Variants in KCNH5 observed in about 807,000 individuals in gnomAD.
KCNH5 encodes voltage-gated delayed rectifier potassium channel KCNH5.
A neutral mutation model predicts 96.1 loss-of-function variants in KCNH5; 46 were observed. The ratio of observed to expected loss-of-function variants is 0.48; its 90% CI spans 0.38 to 0.61. The LOEUF is 0.61. Ranked by LOEUF, KCNH5 falls within the 20% of genes least tolerant of loss-of-function variation. The pLI, the probability that KCNH5 is intolerant of heterozygous loss-of-function variation, is 0.00. For synonymous variants in KCNH5, 439 were observed against 449.8 expected, an observed-to-expected ratio of 0.98 and a Z score of 0.30; for missense variants, 907 against 1,225.8, an observed-to-expected ratio of 0.74 and a Z score of 3.88.
At chr14:62,977,608 C>T (rs1292331889) in intron 6 of KCNH5, among the ~76,000 whole-genome samples, 2 of 152,096 alleles carry the variant, frequency 1.3e-5, no homozygotes, top group Non-Finnish European at 2.9e-5. Context: ...AAAGAATCCC[C>T]TGAAAAAATT....
intron 7 of KCNH5, among the ~76,000 whole-genome samples, chr14:62,940,436 C>T (rs1024500558): frequency 6.6e-6 from 1 of 152,162 alleles, no homozygotes; most frequent in African/African-American, 2.4e-5. Flanking sequence ...GGTTTCTCTG[C>T]CAGTAGCCTT....
chr14:62,840,025 T>C (rs1175460245), intron 8 of KCNH5, among the ~76,000 whole-genome samples: 1 of 152,122 alleles, frequency 6.6e-6, no homozygotes, highest in African/African-American at 2.4e-5. Flanking sequence ...GGGTAACTAT[T>C]GAAGATTTTT....
chr14:62,868,697 C>A (rs943644448), intron 7 of KCNH5, among the ~76,000 whole-genome samples: 3 of 152,130 alleles, frequency 2.0e-5, no homozygotes, highest in African/African-American at 7.2e-5. Flanking sequence ...TCCCCCTACC[C>A]GCTGACAGGC....
intron 8 of KCNH5, among the ~76,000 whole-genome samples, chr14:62,807,075 G>C (rs1336732227): frequency 6.6e-6 from 1 of 152,098 alleles, no homozygotes; most frequent in Non-Finnish European, 1.5e-5. Context: ...TGATCATTTT[G>C]CCTTCCCCAC....
intron 9 of KCNH5, among the ~76,000 whole-genome samples, chr14:62,801,499 A>ATTTTTT (rs35409070): frequency 5.5e-5 from 6 of 108,850 alleles, no homozygotes; most frequent in Admixed American, 1.1e-4. Flanking sequence ...TCATTTGGCA[A>ATTTTTT]TTTTTTTTTT....
chr14:63,045,336 G>C lies in KCNH5; in HGVS notation c.-150C>G. On this transcript the variant is annotated 5_prime_UTR_variant, in exon 1 of 11. Transcript: ENST00000322893. Reference sequence around the variant, plus strand: ...GGCGGCGACGGGGTCCCCTGACTGTGTCTCCAGCCCGACCCGGATGAGCAG... The same window carrying C: ...GGCGGCGACGGGGTCCCCTGACTGTCTCTCCAGCCCGACCCGGATGAGCAG... 3.0e-6 allele frequency: 2 copies of C among 662,154 alleles called. No individual in the cohort carries two copies. The highest frequency in any genetic ancestry group is 2.1e-5 in the Admixed American group (1 of 46,608). 41.0% of individuals were successfully genotyped at this position (662,154 alleles called of 1,614,324 possible). A position where few individuals can be genotyped will look rare whatever the true frequency, so the allele number is the denominator to read the frequency against.
intron 10 of KCNH5, among the ~76,000 whole-genome samples, chr14:62,739,712 C>T (rs904678561): frequency 3.9e-5 from 6 of 152,206 alleles, no homozygotes; most frequent in East Asian, 1.9e-4. Context: ...GAAAGCCCTA[C>T]ACAAACATTA....
intron 8 of KCNH5, among the ~76,000 whole-genome samples, chr14:62,827,461 A>G (rs141710013): frequency 6.6e-6 from 1 of 152,288 alleles, no homozygotes; most frequent in African/African-American, 2.4e-5. Context: ...TCATCGAAGT[A>G]AGTCTCTGAA....
intron 10 of KCNH5, among the ~76,000 whole-genome samples, chr14:62,719,694 A>G (rs1884764337): frequency 1.3e-5 from 2 of 152,364 alleles, no homozygotes; most frequent in South Asian, 2.1e-4. Flanking sequence ...GAACGGTTGA[A>G]GTACGGCGCT....
chr14:62,805,808 T>C (rs952842346), intron 8 of KCNH5, among the ~76,000 whole-genome samples: 1 of 152,164 alleles, frequency 6.6e-6, no homozygotes, highest in Admixed American at 6.6e-5. Flanking sequence ...TTGTCCCCTC[T>C]TTGCAACAGA....
At chr14:62,761,126 C>T (rs1442915490) in intron 10 of KCNH5, among the ~76,000 whole-genome samples, 5 of 151,956 alleles carry the variant, frequency 3.3e-5, no homozygotes, top group African/African-American at 4.8e-5. Context: ...AGGCCAAGGC[C>T]GGCAGATCAC....
chr14:62,758,654 C>T (rs4902186), intron 10 of KCNH5, among the ~76,000 whole-genome samples: 81,647 of 151,970 alleles, frequency 0.54, 22,276 homozygotes, highest in South Asian at 0.8. Context: ...GAAAGAGCAG[C>T]TGGATATATG....
intron 8 of KCNH5, among the ~76,000 whole-genome samples, chr14:62,812,155 C>T (rs948766110): frequency 9.9e-5 from 15 of 152,084 alleles, no homozygotes; most frequent in African/African-American, 2.9e-4. Flanking sequence ...TATCTGGTAC[C>T]TTCTCATGTT....
chr14:62,898,206 TAAC>T (rs749587085), intron 7 of KCNH5, among the ~76,000 whole-genome samples: 24 of 152,266 alleles, frequency 1.6e-4, no homozygotes, highest in Non-Finnish European at 3.2e-4. Flanking sequence ...GAAAAAATAA[TAAC>T]TATGATGTCT....
chr14:63,040,827 A>T (rs755652562), intron 1 of KCNH5, among the ~76,000 whole-genome samples: 34 of 152,076 alleles, frequency 2.2e-4, no homozygotes, highest in Non-Finnish European at 4.4e-4. Flanking sequence ...TGAGTAAAAA[A>T]AGTGCTTGTG....
chr14:63,039,882 G>T lies in KCNH5; in HGVS notation c.73+5232C>A, dbSNP rs144734329. Among the ~76,000 whole-genome samples the T allele has an allele frequency of 8.1e-3, 1,238 of 151,952 alleles. 7 individuals carry two copies. The highest frequency in any genetic ancestry group is 0.013 in the Non-Finnish European group (885 of 67,920). ...ACTCCCTCCCAGTCAAATTTGGGGG[G>T]TGGCAAGCAAGGTGGGGGAAGGGGG... On this transcript the variant is annotated intron_variant, in intron 1 of 10. Transcript: ENST00000322893.
intron 6 of KCNH5, among the ~76,000 whole-genome samples, chr14:62,961,909 G>A (rs917786302): frequency 1.3e-5 from 2 of 150,896 alleles, no homozygotes; most frequent in African/African-American, 4.9e-5. Flanking sequence ...TGATGCAGAT[G>A]GAGATGGAGA....
chr14:62,910,898 A>ACC (rs34264006), intron 7 of KCNH5, among the ~76,000 whole-genome samples: 1 of 78,240 alleles, frequency 1.3e-5, no homozygotes, highest in African/African-American at 5.4e-5. Context: ...GTGTGCATAC[A>ACC]CCACACACAC....
chr14:62,787,201 G>A (rs1364753690), intron 9 of KCNH5, among the ~76,000 whole-genome samples: 25 of 152,134 alleles, frequency 1.6e-4, no homozygotes, highest in Non-Finnish European at 1.3e-4. Context: ...CTACTCCAGC[G>A]AACACATGAA....
Sources: allele counts gnomAD v4.1 joint callset (sites outside exome capture counted in the v4.1 genomes callset), GRCh38; gene constraint gnomAD v4.1.1; transcripts MANE v1.5; gene names NCBI Gene and HGNC (gene_info 2026-07-23, HGNC 2026-07-21).